SND1: variants seen among roughly 807,000 people sequenced by gnomAD.
SND1 encodes staphylococcal nuclease domain-containing protein 1.
SND1 carries 38 observed loss-of-function variants against 121.7 expected under a neutral mutation model. The ratio of observed to expected loss-of-function variants is 0.31; its 90% CI spans 0.24 to 0.41. The LOEUF (loss-of-function observed/expected upper bound fraction) is 0.41, where lower values mean the gene tolerates loss of function less well. Ranked by LOEUF, SND1 falls within the 10% of genes least tolerant of loss-of-function variation. The pLI, the probability that SND1 is intolerant of heterozygous loss-of-function variation, is 1.00. For missense variants in SND1, 868 were observed against 1,184.6 expected (o/e 0.73, Z 3.92); for synonymous variants, 401 against 447.4 (o/e 0.90, Z 1.31).
At chr7:128,051,939 T>C (rs1216990730) in intron 16 of SND1, among the ~76,000 whole-genome samples, 1 of 152,200 alleles carries the variant, frequency 6.6e-6, no homozygotes, top group Non-Finnish European at 1.5e-5. Flanking sequence ...GGATCAGATG[T>C]GTTTCCAATT....
intron 14 of SND1, among the ~76,000 whole-genome samples, chr7:127,905,026 T>G (rs373152502): frequency 4.6e-5 from 7 of 152,314 alleles, no homozygotes; most frequent in South Asian, 4.1e-4. Context: ...ACTTCATTCT[T>G]TTTCTTTACC....
At chr7:127,767,244 T>G (rs546235227) in intron 10 of SND1, among the ~76,000 whole-genome samples, 1 of 152,148 alleles carries the variant, frequency 6.6e-6, no homozygotes, top group Admixed American at 6.5e-5. Flanking sequence ...TTCCACTGTT[T>G]AATGTAGTAG....
chr7:127,955,304 CT>C (rs1217275728), intron 15 of SND1, among the ~76,000 whole-genome samples: 1 of 152,174 alleles, frequency 6.6e-6, no homozygotes, highest in Non-Finnish European at 1.5e-5. Context: ...TGTTCCTGCG[CT>C]GTGTATTTAT....
At position 127,858,972 on chromosome 7, in the gene SND1, A is replaced by G. The variant is rs3757774; in HGVS notation, c.1343+14548A>G. Among the ~76,000 whole-genome samples the G allele has an allele frequency of 4.6e-5, 7 of 152,326 alleles. No homozygotes were observed. The East Asian group carries it at 1.3e-3, about 29-fold the overall frequency. The stretch of plus-strand genomic sequence containing the variant: ...ATGTATACCTGCATTTACATAAACT[A>G]CAGGGGATGTGAAAATGACTCTCTG... On this transcript the variant is annotated intron_variant, in intron 12 of 23. Transcript: ENST00000354725.
intron 18 of SND1, among the ~76,000 whole-genome samples, chr7:128,083,893 A>C (rs1422234720): frequency 1.3e-5 from 2 of 152,180 alleles, no homozygotes; most frequent in Non-Finnish European, 2.9e-5. Context: ...GGAGCCAGGG[A>C]GAGAAACTGA....
chr7:127,866,041 A>G (rs1276702836), intron 12 of SND1, among the ~76,000 whole-genome samples: 2 of 152,138 alleles, frequency 1.3e-5, no homozygotes, highest in Non-Finnish European at 2.9e-5. Flanking sequence ...AGTGTGCCCA[A>G]GAATCACCTG....
At chr7:127,888,792 G>A (rs1008640487) in intron 13 of SND1, among the ~76,000 whole-genome samples, 8 of 152,050 alleles carry the variant, frequency 5.3e-5, no homozygotes, top group African/African-American at 1.9e-4. Context: ...GATTTCAGAG[G>A]CCTGCCTCAC....
chr7:127,973,708 G>T (rs1802052609), intron 15 of SND1, among the ~76,000 whole-genome samples: 1 of 152,222 alleles, frequency 6.6e-6, no homozygotes, highest in African/African-American at 2.4e-5. Flanking sequence ...TCATATCTAT[G>T]TGTGTGCCTA....
intron 11 of SND1, among the ~76,000 whole-genome samples, chr7:127,841,775 C>A (rs1798970287): frequency 6.6e-6 from 1 of 152,144 alleles, no homozygotes; most frequent in African/African-American, 2.4e-5. Flanking sequence ...GTTGTTCAAT[C>A]CCCCTGTCTG....
chr7:127,918,004 T>A (rs1800620777), intron 14 of SND1, among the ~76,000 whole-genome samples: 1 of 152,014 alleles, frequency 6.6e-6, no homozygotes, highest in Non-Finnish European at 1.5e-5. Context: ...ATCTGACCTT[T>A]AATAATTTAC....
intron 15 of SND1, among the ~76,000 whole-genome samples, chr7:127,938,542 A>G (rs1020103989): frequency 6.6e-6 from 1 of 152,230 alleles, no homozygotes; most frequent in Admixed American, 6.5e-5. Context: ...GTTTCCGAGA[A>G]GATCTGCTAC....
intron 15 of SND1, among the ~76,000 whole-genome samples, chr7:127,930,876 G>T (rs73455714): frequency 2.0e-5 from 3 of 152,130 alleles, no homozygotes; most frequent in African/African-American, 7.2e-5. Flanking sequence ...TAGGAGGATT[G>T]TGACAACCTG....
chr7:127,903,582 A>G (rs779212181), intron 13 of SND1, among the ~76,000 whole-genome samples: 16 of 152,178 alleles, frequency 1.1e-4, no homozygotes, highest in African/African-American at 4.8e-5. Flanking sequence ...GGATGAAGCA[A>G]GGGGGCTCAG....
intron 12 of SND1, among the ~76,000 whole-genome samples, chr7:127,874,509 C>T (rs1799655980): frequency 6.6e-6 from 1 of 152,074 alleles, no homozygotes; most frequent in Admixed American, 6.6e-5. Flanking sequence ...TCAATTCCTA[C>T]TCCCGCCATC....
Position 127,721,375 on chromosome 7 carries a change from C to T in SND1, c.1127C>T (p.Pro376Leu), listed in dbSNP as rs767453550. The T allele has an allele frequency of 4.3e-6, 7 of 1,611,410 alleles. No homozygotes were observed. The highest frequency in any genetic ancestry group is 2.2e-5 in the East Asian group (1 of 44,854). ...KTIHLSSIRPPRLEGENTQDK... is the reference protein window; with the variant it reads ...KTIHLSSIRPLRLEGENTQDK... ...ATTCACCTGTCCAGCATCCGACCACCGAGGCTGGAGGGGGAGAACACCCAG... is the reference window on the plus strand; with the variant it reads ...ATTCACCTGTCCAGCATCCGACCACTGAGGCTGGAGGGGGAGAACACCCAG... The change falls in exon 10 of 24, where the codon CCG becomes CTG. Residue 376 changes from proline to leucine, a missense_variant. Pro to Leu is a moderately conservative substitution (Grantham distance 98). Transcript: ENST00000354725.
chr7:127,955,129 T>C (rs1388131164), intron 15 of SND1, among the ~76,000 whole-genome samples: 1 of 152,206 alleles, frequency 6.6e-6, no homozygotes, highest in Non-Finnish European at 1.5e-5. Flanking sequence ...GCAGCTTCTC[T>C]GTGTGGGTGA....
At chr7:127,692,886 A>G (rs1366487973) in intron 2 of SND1, among the ~76,000 whole-genome samples, 2 of 152,214 alleles carry the variant, frequency 1.3e-5, no homozygotes, top group Non-Finnish European at 2.9e-5. Flanking sequence ...GCGAGCCTTA[A>G]AAGTTTTTTA....
At chr7:128,081,920 C>G (rs577317233) in intron 18 of SND1, 1 of 536,050 alleles carries the variant, frequency 1.9e-6, no homozygotes, top group Non-Finnish European at 3.8e-6. Flanking sequence ...TCTGGGGGAG[C>G]AAGGAGTGGT....
At chr7:127,982,350 T>C (rs1375223571) in intron 15 of SND1, among the ~76,000 whole-genome samples, 3 of 152,220 alleles carry the variant, frequency 2.0e-5, no homozygotes, top group African/African-American at 7.2e-5. Context: ...CCTAAAAAAT[T>C]GGAGCTGTGA....
Sources: gnomAD v4.1 joint callset for allele counts (sites outside exome capture counted in the v4.1 genomes callset) on GRCh38, gnomAD v4.1.1 for gene constraint, MANE v1.5 for transcripts, NCBI Gene and HGNC (gene_info 2026-07-23, HGNC 2026-07-21) for gene names.